The following REC114 variants were observed in gnomAD, a reference collection of about 807,000 sequenced individuals.
The protein encoded by REC114 is REC114 meiotic recombination protein.
In REC114, 27 loss-of-function variants were observed where a neutral mutation model predicts 31.3. The ratio of observed to expected loss-of-function variants is 0.86; its 90% CI spans 0.64 to 1.19. The LOEUF is 1.19. Ranked by LOEUF, REC114 falls within the 50% of genes most tolerant of loss-of-function variation. The pLI, the probability that REC114 is intolerant of heterozygous loss-of-function variation, is 0.00. For missense variants in REC114, 344 were observed against 326.9 expected (o/e 1.05, Z -0.40); for synonymous variants, 134 against 127.7 (o/e 1.05, Z -0.33).
intron 2 of REC114, among the ~76,000 whole-genome samples, chr15:73,536,145 G>A (rs760052615): frequency 1.8e-4 from 28 of 152,206 alleles, no homozygotes; most frequent in Non-Finnish European, 2.4e-4. Flanking sequence ...AACACCAAAA[G>A]CAATGGCAAC....
intron 2 of REC114, among the ~76,000 whole-genome samples, chr15:73,526,689 CTT>C (rs1894013139): frequency 6.6e-6 from 1 of 152,110 alleles, no homozygotes; most frequent in Admixed American, 6.5e-5. Flanking sequence ...TTTATCATCT[CTT>C]AAATTTCTGA....
At chr15:73,464,471 G>C (rs1893029261) in intron 1 of REC114, among the ~76,000 whole-genome samples, 1 of 152,038 alleles carries the variant, frequency 6.6e-6, no homozygotes, top group African/African-American at 2.4e-5. Context: ...TAGCCCATTG[G>C]GTATGTAGCT....
In REC114 at chr15:73,451,822, G is replaced by A. The variant is rs1171166272; in HGVS notation, c.159+8478G>A. Among the ~76,000 whole-genome samples, 3 of 152,162 alleles carry A rather than the reference G, an allele frequency of 2.0e-5. No individual in the cohort carries two copies. In the South Asian group the frequency reaches 6.2e-4, roughly 32 times the overall value. On this transcript the variant is annotated intron_variant, in intron 1 of 5. Coordinates refer to ENST00000331090, the MANE Select transcript of REC114 (RefSeq NM_001042367.2). ...GCTTCATCCCTGGCATGCAAGGCTGGTTCAATGTACACAAATCAATAAATG... is the reference window on the plus strand; with the variant it reads ...GCTTCATCCCTGGCATGCAAGGCTGATTCAATGTACACAAATCAATAAATG...
intron 2 of REC114, among the ~76,000 whole-genome samples, chr15:73,520,178 CATAA>C (rs915098507): frequency 2.0e-5 from 3 of 151,896 alleles, no homozygotes; most frequent in Admixed American, 6.6e-5. Flanking sequence ...CAACAAATTA[CATAA>C]ATAGATGGTC....
intron 2 of REC114, among the ~76,000 whole-genome samples, chr15:73,517,424 TAAA>T (rs1049247286): frequency 2.0e-5 from 3 of 152,046 alleles, no homozygotes; most frequent in African/African-American, 7.3e-5. Context: ...TTTTAGTAAA[TAAA>T]GAAGATGACA....
At chr15:73,461,509 T>C (rs558982643) in intron 1 of REC114, among the ~76,000 whole-genome samples, 22 of 152,178 alleles carry the variant, frequency 1.4e-4, no homozygotes, top group Non-Finnish European at 1.5e-4. Context: ...CATGTAGATA[T>C]AATTTAGGGT....
chr15:73,514,295 C>T (rs891316410), intron 2 of REC114, among the ~76,000 whole-genome samples: 1 of 151,930 alleles, frequency 6.6e-6, no homozygotes, highest in South Asian at 2.1e-4. Flanking sequence ...CCGCGCCCTG[C>T]TTCGGCTCGC....
At chr15:73,502,202 G>A (rs977436250) in intron 2 of REC114, among the ~76,000 whole-genome samples, 1 of 151,516 alleles carries the variant, frequency 6.6e-6, no homozygotes, top group East Asian at 1.9e-4. Flanking sequence ...GATACAGAAT[G>A]TAACATTTGT....
intron 2 of REC114, among the ~76,000 whole-genome samples, chr15:73,509,330 T>A (rs1893729898): frequency 6.7e-6 from 1 of 148,304 alleles, no homozygotes; most frequent in Non-Finnish European, 1.5e-5. Flanking sequence ...CATTGTAGAT[T>A]CTGGATATTA....
At chr15:73,556,022 T>A (rs1292961263) in intron 4 of REC114, among the ~76,000 whole-genome samples, 1 of 152,108 alleles carries the variant, frequency 6.6e-6, no homozygotes, top group Non-Finnish European at 1.5e-5. Flanking sequence ...AACAGAGGAA[T>A]GCCCCAGTGT....
intron 1 of REC114, among the ~76,000 whole-genome samples, chr15:73,469,809 C>T (rs928363744): frequency 1.3e-4 from 19 of 151,796 alleles, no homozygotes; most frequent in African/African-American, 4.1e-4. Context: ...CTCAGCCTCC[C>T]GAGTAGCTGG....
rs1567882038 is a variant in REC114 at position 73,513,994 on chromosome 15, CT to C, written c.250-26488del. ...CCACCCAGTTCGAGCTTCCTGGCTG[CT>C]TTGTTTACCTAAGCAAGCCTGGGCA... On this transcript the variant is annotated intron_variant, in intron 2 of 5. Transcript: ENST00000331090. Among the ~76,000 whole-genome samples, 5 of 152,198 alleles carry C rather than the reference CT, an allele frequency of 3.3e-5. No homozygotes were observed. The South Asian group carries it at 1.0e-3, about 32-fold the overall frequency.
At chr15:73,511,445 C>A (rs1441242682) in intron 2 of REC114, among the ~76,000 whole-genome samples, 5 of 152,076 alleles carry the variant, frequency 3.3e-5, no homozygotes, top group Non-Finnish European at 5.9e-5. Flanking sequence ...CTATTTCCTT[C>A]AGTTCTGCTC....
chr15:73,546,887 C>G (rs1407053565), intron 3 of REC114, among the ~76,000 whole-genome samples: 1 of 150,944 alleles, frequency 6.6e-6, no homozygotes, highest in Non-Finnish European at 1.5e-5. Context: ...AGACTCCTAT[C>G]TTTCACCATA....
rs181993088 is a variant in REC114 at position 73,559,955 on chromosome 15, T to C, written c.*39T>C. On this transcript the variant is annotated 3_prime_UTR_variant, in exon 6 of 6. Transcript: ENST00000331090. ...TATATAACTAAGGAACTTCAAAGTA[T>C]TGAAAAATGCTTCCTCCTAAAATTA... 7.4e-6 allele frequency: 11 copies of C among 1,493,732 alleles called. No individual in the cohort carries two copies. Among genetic ancestry groups the C allele is most frequent in the East Asian group, 2.5e-5 (1 of 40,228 alleles). The allele number at this position is 1,493,732 out of a possible 1,614,324, so 92.5% of individuals were successfully genotyped here.
intron 2 of REC114, among the ~76,000 whole-genome samples, chr15:73,530,372 T>C (rs1267946323): frequency 6.6e-6 from 1 of 152,216 alleles, no homozygotes; most frequent in African/African-American, 2.4e-5. Context: ...ATTGAAAATT[T>C]AATTTTTGCC....
intron 2 of REC114, among the ~76,000 whole-genome samples, chr15:73,525,403 A>G (rs919027988): frequency 6.6e-6 from 1 of 151,634 alleles, no homozygotes; most frequent in African/African-American, 2.4e-5. Flanking sequence ...TTTCTGGTTT[A>G]GTTTGTTATT....
At chr15:73,479,260 G>T (rs183788376) in intron 2 of REC114, among the ~76,000 whole-genome samples, 1 of 150,094 alleles carries the variant, frequency 6.7e-6, no homozygotes, top group East Asian at 1.9e-4. Context: ...TTTGCTAAGG[G>T]ACTTGTTTTT....
intron 2 of REC114, among the ~76,000 whole-genome samples, chr15:73,500,352 CAA>C (rs34228065): frequency 2.9e-5 from 4 of 137,976 alleles, no homozygotes; most frequent in African/African-American, 5.6e-5. Context: ...ACAGAAATAG[CAA>C]AAAAAAAAAA....
Sources: gnomAD v4.1 joint callset for allele counts (sites outside exome capture counted in the v4.1 genomes callset) on GRCh38, gnomAD v4.1.1 for gene constraint, MANE v1.5 for transcripts, NCBI Gene and HGNC (gene_info 2026-07-23, HGNC 2026-07-21) for gene names.